The following GMDS variants were observed in gnomAD, a reference collection of about 807,000 sequenced individuals.
The protein encoded by GMDS is GDP-mannose 4,6 dehydratase.
A neutral mutation model predicts 49.9 loss-of-function variants in GMDS; 20 were observed. The observed-to-expected ratio is 0.40, with a 90% CI of 0.28 to 0.58. GMDS has a LOEUF of 0.58. Ranked by LOEUF, GMDS falls within the 20% of genes least tolerant of loss-of-function variation. The pLI, the probability that GMDS is intolerant of heterozygous loss-of-function variation, is 0.42. For missense variants in GMDS, 362 were observed against 481.4 expected (o/e 0.75, Z 2.32); for synonymous variants, 177 against 178.6 (o/e 0.99, Z 0.07).
At chr6:1,737,012 G>A (rs1767022537) in intron 8 of GMDS, among the ~76,000 whole-genome samples, 1 of 152,200 alleles carries the variant, frequency 6.6e-6, no homozygotes, top group African/African-American at 2.4e-5. Flanking sequence ...TGAAGCTTAG[G>A]ACCCAGGGTC....
At chr6:2,001,891 T>C (rs1400790485) in intron 4 of GMDS, among the ~76,000 whole-genome samples, 3 of 152,172 alleles carry the variant, frequency 2.0e-5, no homozygotes, top group Non-Finnish European at 1.5e-5. Flanking sequence ...TTAACTCAAA[T>C]GGATCTAAGA....
intron 4 of GMDS, among the ~76,000 whole-genome samples, chr6:1,986,198 G>A (rs951360721): frequency 6.6e-6 from 1 of 152,098 alleles, no homozygotes; most frequent in African/African-American, 2.4e-5. Context: ...ATGAGAAAAG[G>A]AGCTTCCCAG....
chr6:2,047,357 A>C (rs1412353091), intron 4 of GMDS, among the ~76,000 whole-genome samples: 2 of 152,238 alleles, frequency 1.3e-5, no homozygotes, highest in Admixed American at 6.5e-5. Context: ...GGGCAGTGGA[A>C]AAGAAAGTGT....
chr6:1,983,133 A>C (rs1196910830), intron 4 of GMDS, among the ~76,000 whole-genome samples: 3 of 152,226 alleles, frequency 2.0e-5, no homozygotes, highest in Non-Finnish European at 4.4e-5. Context: ...TGGGGAAAGG[A>C]TTCCTTAGTT....
chr6:1,941,061 C>T (rs1345314868), intron 6 of GMDS, among the ~76,000 whole-genome samples: 2 of 87,434 alleles, frequency 2.3e-5, no homozygotes, highest in Admixed American at 2.5e-4. Context: ...AAGACAAAAT[C>T]CCCAAAATAA....
chr6:2,137,549 G>T (rs1776071742), intron 1 of GMDS, among the ~76,000 whole-genome samples: 1 of 152,090 alleles, frequency 6.6e-6, no homozygotes, highest in Admixed American at 6.6e-5. Context: ...GGTCAGGCTG[G>T]TCTCAAACTC....
At chr6:1,866,113 A>AGCTGTCAGGCAGTGGGGCTGAT (rs1301092824) in intron 7 of GMDS, among the ~76,000 whole-genome samples, 7 of 152,162 alleles carry the variant, frequency 4.6e-5, no homozygotes, top group Non-Finnish European at 1.0e-4. Context: ...GGGAGGTGAA[A>AGCTGTCAGGCAGTGGGGCTGAT]GCTGTCAGGC....
chr6:1,981,584 C>T (rs893924226), intron 4 of GMDS, among the ~76,000 whole-genome samples: 5 of 152,118 alleles, frequency 3.3e-5, no homozygotes, highest in African/African-American at 1.2e-4. Flanking sequence ...TTGAATTCTA[C>T]CAGAGGTACA....
At chr6:2,103,900 G>C (rs1253423383) in intron 4 of GMDS, among the ~76,000 whole-genome samples, 5 of 152,200 alleles carry the variant, frequency 3.3e-5, no homozygotes, top group Admixed American at 3.3e-4. Context: ...CAATATATTT[G>C]TGCTTGTGCA....
chr6:1,889,192 C>T (rs1316475027), intron 7 of GMDS, among the ~76,000 whole-genome samples: 7 of 152,220 alleles, frequency 4.6e-5, no homozygotes, highest in Non-Finnish European at 8.8e-5. Flanking sequence ...CTCATTAAAA[C>T]TTTGTATGTG....
intron 4 of GMDS, among the ~76,000 whole-genome samples, chr6:2,017,635 G>C (rs1366062052): frequency 6.6e-6 from 1 of 151,876 alleles, no homozygotes; most frequent in Admixed American, 6.6e-5. Context: ...AACAACATAG[G>C]AATTAGGAGT....
At chr6:1,657,181 A>C (rs2814822) in intron 9 of GMDS, among the ~76,000 whole-genome samples, 148,422 of 152,322 alleles carry the variant, frequency 0.97, 72,437 homozygotes, top group East Asian at 1. Flanking sequence ...CCACTAGACT[A>C]CTGACAAGCA....
Position 1,703,650 on chromosome 6 carries a change from G to A in GMDS, c.987+22766C>T, listed in dbSNP as rs548175605. Among the ~76,000 whole-genome samples the A allele has an allele frequency of 9.2e-4, 140 of 152,338 alleles. 1 individual carries two copies. The highest frequency in any genetic ancestry group is 1.6e-3 in the Non-Finnish European group (107 of 68,024). On this transcript the variant is annotated intron_variant, in intron 9 of 10. Coordinates refer to ENST00000380815, the MANE Select transcript of GMDS (RefSeq NM_001500.4). ...TGCGCCTGCTGGCATCTGCCGAGGT[G>A]TCCTGCCCCACAGCTGCCAGGTGTA...
intron 4 of GMDS, among the ~76,000 whole-genome samples, chr6:2,053,223 G>A (rs1770552799): frequency 6.6e-6 from 1 of 152,078 alleles, no homozygotes; most frequent in Admixed American, 6.5e-5. Flanking sequence ...TATATAAAAT[G>A]TAAATGGTAA....
intron 4 of GMDS, among the ~76,000 whole-genome samples, chr6:2,037,858 G>A (rs1247080308): frequency 6.6e-6 from 1 of 152,024 alleles, no homozygotes; most frequent in Non-Finnish European, 1.5e-5. Flanking sequence ...AGGAGCAAAT[G>A]AAGACAAGAG....
At chr6:2,043,688 G>C (rs914651388) in intron 4 of GMDS, among the ~76,000 whole-genome samples, 2 of 152,330 alleles carry the variant, frequency 1.3e-5, no homozygotes, top group African/African-American at 4.8e-5. Flanking sequence ...GTGCTAGCTT[G>C]CACTCTTACC....
intron 7 of GMDS, among the ~76,000 whole-genome samples, chr6:1,791,791 T>C (rs1468081284): frequency 6.6e-6 from 1 of 152,230 alleles, no homozygotes; most frequent in African/African-American, 2.4e-5. Context: ...CTGTTTATAA[T>C]ATACAGCCAA....
intron 7 of GMDS, among the ~76,000 whole-genome samples, chr6:1,797,236 T>A (rs1284012537): frequency 6.6e-6 from 1 of 152,220 alleles, no homozygotes; most frequent in Non-Finnish European, 1.5e-5. Context: ...TGCTTGATGA[T>A]CTGAGGTGAA....
intron 9 of GMDS, among the ~76,000 whole-genome samples, chr6:1,723,121 A>G (rs1194593772): frequency 1.3e-5 from 2 of 152,164 alleles, no homozygotes; most frequent in African/African-American, 4.8e-5. Context: ...TTACCAGCAC[A>G]GGTGGAACTA....
Sources: allele counts gnomAD v4.1 joint callset (sites outside exome capture counted in the v4.1 genomes callset), GRCh38; gene constraint gnomAD v4.1.1; transcripts MANE v1.5; gene names NCBI Gene and HGNC (gene_info 2026-07-23, HGNC 2026-07-21).